Variants in AGBL1 observed in about 807,000 individuals in gnomAD.
AGBL1 encodes the protein cytosolic carboxypeptidase 4.
A neutral mutation model predicts 118.9 loss-of-function variants in AGBL1; 130 were observed. The ratio of observed to expected loss-of-function variants is 1.09; its 90% CI spans 0.95 to 1.26. The LOEUF (loss-of-function observed/expected upper bound fraction) is 1.26, where lower values mean the gene tolerates loss of function less well. AGBL1 is among the 50% of genes most tolerant of loss of function. The pLI is 0.00. For missense variants in AGBL1, 1,584 were observed against 1,298.1 expected (o/e 1.22, Z -3.38); for synonymous variants, 555 against 478.9 (o/e 1.16, Z -2.08).
chr15:86,306,352 T>C (rs2079840417), intron 17 of AGBL1, among the ~76,000 whole-genome samples: 1 of 152,128 alleles, frequency 6.6e-6, no homozygotes, highest in Admixed American at 6.6e-5. Context: ...TTCTACTCTT[T>C]ATCTTCATGA....
Position 86,774,397 on chromosome 15 carries a change from A to G in AGBL1, c.3158+99961A>G, listed in dbSNP as rs576525517. On this transcript the variant is annotated intron_variant, in intron 22 of 22. Coordinates refer to ENST00000614907, the MANE Select transcript of AGBL1 (RefSeq NM_001386094.1). ...ATGGTTGGGACATAGAAAAAGGACA[A>G]TGGAGTCTTTAATACATACTTTTGT... Among the ~76,000 whole-genome samples the G allele has an allele frequency of 1.9e-4, 29 of 152,284 alleles. No homozygotes were observed. In the East Asian group the frequency reaches 3.5e-3, roughly 18 times the overall value.
chr15:86,324,804 A>G (rs1475698301), intron 17 of AGBL1, among the ~76,000 whole-genome samples: 1 of 152,204 alleles, frequency 6.6e-6, no homozygotes, highest in Non-Finnish European at 1.5e-5. Flanking sequence ...CCCAACCACA[A>G]GAGTTTGCCA....
intron 20 of AGBL1, among the ~76,000 whole-genome samples, chr15:86,551,877 A>C (rs140315190): frequency 7.6e-4 from 115 of 152,312 alleles, no homozygotes; most frequent in African/African-American, 2.5e-3. Context: ...AAGTTAAAGA[A>C]AACAACCTGA....
At chr15:86,901,591 C>G (rs991108425) in intron 22 of AGBL1, among the ~76,000 whole-genome samples, 2 of 152,004 alleles carry the variant, frequency 1.3e-5, no homozygotes, top group African/African-American at 2.4e-5. Flanking sequence ...GCAAGTAACC[C>G]CACATTACCC....
chr15:86,393,452 G>C (rs907616135), intron 17 of AGBL1, among the ~76,000 whole-genome samples: 2 of 152,162 alleles, frequency 1.3e-5, no homozygotes, highest in African/African-American at 2.4e-5. Flanking sequence ...AATGAACATA[G>C]TTCAAAAATC....
intron 22 of AGBL1, among the ~76,000 whole-genome samples, chr15:86,870,271 A>G (rs2079701256): frequency 6.6e-6 from 1 of 152,022 alleles, no homozygotes; most frequent in African/African-American, 2.4e-5. Flanking sequence ...TTTCATCCTC[A>G]GTTTACAAGG....
At chr15:86,747,306 T>C (rs1468909974) in intron 22 of AGBL1, among the ~76,000 whole-genome samples, 5 of 152,114 alleles carry the variant, frequency 3.3e-5, no homozygotes, top group Admixed American at 3.3e-4. Flanking sequence ...ATTGTCTAGA[T>C]GGTTGCTGAT....
chr15:86,283,530 G>T (rs1251908958), intron 16 of AGBL1, among the ~76,000 whole-genome samples: 1 of 151,858 alleles, frequency 6.6e-6, no homozygotes, highest in South Asian at 2.1e-4. Context: ...GAAGAAGAAA[G>T]AAAGAAAGAA....
intron 22 of AGBL1, among the ~76,000 whole-genome samples, chr15:86,737,085 A>G (rs1234848816): frequency 6.6e-6 from 1 of 152,210 alleles, no homozygotes; most frequent in East Asian, 1.9e-4. Context: ...TTTGTGACAC[A>G]TACCTTGTCT....
chr15:86,163,436 A>C (rs528023555), intron 5 of AGBL1, among the ~76,000 whole-genome samples: 1 of 152,260 alleles, frequency 6.6e-6, no homozygotes, highest in South Asian at 2.1e-4. Flanking sequence ...CTTAAAAATA[A>C]ATAAATGAGG....
intron 22 of AGBL1, among the ~76,000 whole-genome samples, chr15:86,791,074 T>C (rs80211978): frequency 6.6e-6 from 1 of 152,252 alleles, no homozygotes; most frequent in Non-Finnish European, 1.5e-5. Flanking sequence ...TGGAAAGATA[T>C]GAAAATCCAG....
intron 5 of AGBL1, among the ~76,000 whole-genome samples, chr15:86,170,885 C>CAAA (rs34169705): frequency 0.01 from 1,422 of 137,130 alleles, 21 homozygotes; most frequent in African/African-American, 0.034. Flanking sequence ...AAACCAATGA[C>CAAA]AAAAAAAAAA....
chr15:86,333,501 A>T (rs1315905015), intron 17 of AGBL1, among the ~76,000 whole-genome samples: 1 of 152,212 alleles, frequency 6.6e-6, no homozygotes, highest in Non-Finnish European at 1.5e-5. Context: ...TGAAACCCTG[A>T]AAAGACTAAT....
intron 22 of AGBL1, among the ~76,000 whole-genome samples, chr15:86,696,124 C>G (rs1000669374): frequency 6.6e-6 from 1 of 151,902 alleles, no homozygotes; most frequent in African/African-American, 2.4e-5. Context: ...TAGTTTAAAT[C>G]TGTTGTTTCT....
intron 22 of AGBL1, among the ~76,000 whole-genome samples, chr15:86,724,120 C>T (rs906314671): frequency 6.6e-6 from 1 of 151,584 alleles, no homozygotes; most frequent in African/African-American, 2.4e-5. Context: ...CCTGTAGTCC[C>T]AGCTACTTGG....
intron 24 of AGBL1, among the ~76,000 whole-genome samples, chr15:86,994,863 C>T (rs765685852): frequency 3.3e-5 from 5 of 152,060 alleles, no homozygotes; most frequent in Non-Finnish European, 4.4e-5. Context: ...TTATAATGGT[C>T]GAAAGAAACA....
intron 18 of AGBL1, among the ~76,000 whole-genome samples, chr15:86,518,396 G>A (rs2083147866): frequency 1.3e-5 from 2 of 152,138 alleles, no homozygotes; most frequent in Admixed American, 6.5e-5. Context: ...AGCCTTTAAG[G>A]TTCCCTTTTA....
intron 17 of AGBL1, among the ~76,000 whole-genome samples, chr15:86,353,102 G>A (rs542611530): frequency 4.6e-5 from 7 of 152,164 alleles, no homozygotes; most frequent in South Asian, 2.1e-4. Flanking sequence ...TGACCAAAAC[G>A]TTTAGATGTG....
chr15:86,777,565 T>C (rs1022077253), intron 22 of AGBL1, among the ~76,000 whole-genome samples: 2 of 152,132 alleles, frequency 1.3e-5, no homozygotes, highest in Non-Finnish European at 2.9e-5. Context: ...TGCAGATTTA[T>C]TTAGGGAGAA....
Sources: gnomAD v4.1 joint callset for allele counts (sites outside exome capture counted in the v4.1 genomes callset) on GRCh38, gnomAD v4.1.1 for gene constraint, MANE v1.5 for transcripts, NCBI Gene and HGNC (gene_info 2026-07-23, HGNC 2026-07-21) for gene names.